Variants in CNTN5 observed in about 807,000 individuals in gnomAD.
The protein encoded by CNTN5 is contactin 5.
Under a neutral mutation model 129.1 loss-of-function variants are expected in CNTN5, and 77 were observed. That is an observed-to-expected ratio of 0.60 (90% CI 0.50 to 0.72). The LOEUF (loss-of-function observed/expected upper bound fraction) is 0.72, where lower values mean the gene tolerates loss of function less well. CNTN5 is among the 30% of genes least tolerant of loss of function. The probability of loss-of-function intolerance (pLI) is 0.00; values close to 1 mark genes in which losing one functional copy is unlikely to be tolerated. For synonymous variants in CNTN5, 509 were observed against 465.6 expected (o/e 1.09, Z -1.20); for missense variants, 1,478 against 1,328.8 (o/e 1.11, Z -1.75).
intron 1 of CNTN5, among the ~76,000 whole-genome samples, chr11:99,070,425 A>G (rs1268743902): frequency 1.3e-5 from 2 of 152,162 alleles, no homozygotes; most frequent in African/African-American, 4.8e-5. Flanking sequence ...CAATACAGAA[A>G]AGTAAGGAGA....
intron 7 of CNTN5, among the ~76,000 whole-genome samples, chr11:99,943,947 T>C (rs1452432028): frequency 2.0e-5 from 3 of 152,164 alleles, no homozygotes; most frequent in Admixed American, 2.0e-4. Context: ...CCTTGTAGCA[T>C]AGTTTGAAGT....
intron 2 of CNTN5, among the ~76,000 whole-genome samples, chr11:99,332,620 C>T (rs1866046791): frequency 1.3e-5 from 2 of 151,940 alleles, no homozygotes; most frequent in South Asian, 4.2e-4. Flanking sequence ...TGGTGTACAA[C>T]AATTAAGGGA....
intron 2 of CNTN5, among the ~76,000 whole-genome samples, chr11:99,454,054 T>A (rs2726394): frequency 2.0e-5 from 3 of 151,922 alleles, no homozygotes; most frequent in African/African-American, 7.3e-5. Flanking sequence ...TAAAATTTAT[T>A]CTAAATTGCT....
At chr11:99,636,786 G>A (rs559062005) in intron 3 of CNTN5, among the ~76,000 whole-genome samples, 1 of 91,606 alleles carries the variant, frequency 1.1e-5, no homozygotes, top group South Asian at 3.2e-4. Context: ...AGGCCAAGGT[G>A]GGGGGATGGA....
At chr11:99,996,571 C>T (rs533831511) in intron 8 of CNTN5, among the ~76,000 whole-genome samples, 31 of 152,186 alleles carry the variant, frequency 2.0e-4, no homozygotes, top group East Asian at 1.2e-3. Context: ...TTTACTCTCT[C>T]CTATCTTTTT....
At chr11:100,309,233 C>T in intron 21 of CNTN5, 1 of 984,854 alleles carries the variant, frequency 1.0e-6, no homozygotes, top group Non-Finnish European at 1.2e-6. Flanking sequence ...TCTTACTTTT[C>T]CTCTGCTTCA....
chr11:99,804,266 A>G (rs1260442799), intron 3 of CNTN5, among the ~76,000 whole-genome samples: 2 of 152,120 alleles, frequency 1.3e-5, no homozygotes, highest in Admixed American at 6.6e-5. Context: ...AAAGTCATTT[A>G]CCAAATGTGT....
chr11:100,056,302 C>CA (rs1040857699), intron 9 of CNTN5, among the ~76,000 whole-genome samples: 1 of 151,010 alleles, frequency 6.6e-6, no homozygotes, highest in Non-Finnish European at 1.5e-5. Flanking sequence ...ATTGGAGCAA[C>CA]AAAATCAAAA....
intron 1 of CNTN5, among the ~76,000 whole-genome samples, chr11:99,105,720 T>A (rs2135365846): frequency 6.6e-6 from 1 of 152,234 alleles, no homozygotes; most frequent in African/African-American, 2.4e-5. Context: ...TAGGAAAACC[T>A]AAACCTTAGA....
At chr11:99,644,953 C>A (rs1000373153) in intron 3 of CNTN5, among the ~76,000 whole-genome samples, 7 of 151,146 alleles carry the variant, frequency 4.6e-5, no homozygotes, top group Non-Finnish European at 1.0e-4. Flanking sequence ...CATTAAGAAA[C>A]AAACAAAAAG....
chr11:99,649,486 T>A (rs552246078), intron 3 of CNTN5, among the ~76,000 whole-genome samples: 3 of 151,810 alleles, frequency 2.0e-5, no homozygotes, highest in Non-Finnish European at 4.4e-5. Flanking sequence ...TCAGGTATTT[T>A]ACTGACACAA....
intron 8 of CNTN5, among the ~76,000 whole-genome samples, chr11:99,971,915 A>G (rs1055820938): frequency 6.6e-6 from 1 of 151,182 alleles, no homozygotes; most frequent in African/African-American, 2.4e-5. Context: ...GTGATCCCCA[A>G]ACATTTGTAT....
intron 1 of CNTN5, among the ~76,000 whole-genome samples, chr11:99,164,056 A>C (rs1032900496): frequency 1.3e-5 from 2 of 152,170 alleles, no homozygotes; most frequent in African/African-American, 4.8e-5. Flanking sequence ...GGCAGGGCGC[A>C]GTGGCTCATG....
At chr11:100,147,669 C>T (rs950129382) in intron 13 of CNTN5, among the ~76,000 whole-genome samples, 1 of 151,032 alleles carries the variant, frequency 6.6e-6, no homozygotes, top group Admixed American at 6.6e-5. Context: ...CTTTATTGTC[C>T]CTTTCCTTCT....
intron 3 of CNTN5, among the ~76,000 whole-genome samples, chr11:99,687,134 A>C (rs1953828396): frequency 6.6e-6 from 1 of 151,862 alleles, no homozygotes; most frequent in Non-Finnish European, 1.5e-5. Flanking sequence ...GTACTTACGT[A>C]TCTACCATTC....
chr11:100,103,209 C>G (rs574060265), intron 13 of CNTN5, among the ~76,000 whole-genome samples: 4 of 152,166 alleles, frequency 2.6e-5, no homozygotes, highest in African/African-American at 7.2e-5. Context: ...GCAATTAGCA[C>G]GGGCACATTC....
chr11:99,120,351 A>C (rs2135405451), intron 1 of CNTN5: 1 of 152,274 alleles, frequency 6.6e-6, no homozygotes, highest in Admixed American at 6.5e-5. Context: ...CATCCTTGAT[A>C]GAGGAGGACC....
chr11:99,042,365 C>CTTTTTT lies in CNTN5; in HGVS notation c.-210+21117_-210+21122dup, dbSNP rs1210153589. Among the ~76,000 whole-genome samples, 377 of 83,780 alleles carry CTTTTTT rather than the reference C, an allele frequency of 4.5e-3. 14 individuals carry two copies. The highest frequency in any genetic ancestry group is 9.2e-3 in the East Asian group (23 of 2,506). The allele number at this position is 83,780 out of a possible 152,430, so 55.0% of individuals were successfully genotyped here. A position where few individuals can be genotyped will look rare whatever the true frequency, so the allele number is the denominator to read the frequency against. On this transcript the variant is annotated intron_variant, in intron 1 of 24. Transcript: ENST00000524871. ...CACATGTACCTCCCTTCTTCTTCTT[C>CTTTTTT]TTTTTTTTTTTTTTTTTTTTTTTTT...
intron 13 of CNTN5, among the ~76,000 whole-genome samples, chr11:100,093,737 G>T (rs1317479708): frequency 3.9e-5 from 6 of 152,076 alleles, no homozygotes; most frequent in African/African-American, 1.4e-4. Context: ...TGCCAAAGTG[G>T]CCCAGTCACA....
Sources: allele counts gnomAD v4.1 joint callset (sites outside exome capture counted in the v4.1 genomes callset), GRCh38; gene constraint gnomAD v4.1.1; transcripts MANE v1.5; gene names NCBI Gene and HGNC (gene_info 2026-07-23, HGNC 2026-07-21).